Variants in ZMIZ1 observed in about 807,000 individuals in gnomAD.
ZMIZ1 encodes the protein zinc finger MIZ domain-containing protein 1.
A neutral mutation model predicts 113.9 loss-of-function variants in ZMIZ1; 17 were observed. That is an observed-to-expected ratio of 0.15 (90% CI 0.10 to 0.22). ZMIZ1 has a LOEUF of 0.22. Ranked by LOEUF, ZMIZ1 falls within the 10% of genes least tolerant of loss-of-function variation. The pLI, the probability that ZMIZ1 is intolerant of heterozygous loss-of-function variation, is 1.00. For missense variants in ZMIZ1, 1,059 were observed against 1,477.8 expected (o/e 0.72, Z 4.65); for synonymous variants, 607 against 603.1 (o/e 1.01, Z -0.09).
intron 7 of ZMIZ1, among the ~76,000 whole-genome samples, chr10:79,254,542 G>T (rs2031517): frequency 0.3 from 45,388 of 152,230 alleles, 7,406 homozygotes; most frequent in South Asian, 0.42. Flanking sequence ...TGGCCCGCTG[G>T]TCTCTATTCA....
chr10:79,132,390 C>T (rs1038042442), intron 2 of ZMIZ1, among the ~76,000 whole-genome samples: 1 of 152,184 alleles, frequency 6.6e-6, no homozygotes, highest in Non-Finnish European at 1.5e-5. Flanking sequence ...CCCAGGTCCT[C>T]GTGCAGGTGT....
intron 7 of ZMIZ1, among the ~76,000 whole-genome samples, chr10:79,260,906 A>G (rs893541236): frequency 2.0e-5 from 3 of 152,218 alleles, no homozygotes; most frequent in African/African-American, 7.2e-5. Context: ...CTATCAAATC[A>G]GGGTAGTTGT....
At chr10:79,124,548 G>A (rs533180756) in intron 2 of ZMIZ1, among the ~76,000 whole-genome samples, 14 of 152,322 alleles carry the variant, frequency 9.2e-5, no homozygotes, top group African/African-American at 2.4e-4. Context: ...CTCCTGCACC[G>A]TGCTAGGCCC....
rs144332517 is a variant in ZMIZ1, at chr10:79,306,289, C to T, written c.2613C>T (p.Pro871=). The change falls in exon 22 of 25, where the codon CCC becomes CCT. Residue 871 remains proline (P), a synonymous_variant. Coordinates refer to ENST00000334512, the MANE Select transcript of ZMIZ1 (RefSeq NM_020338.4). ...MIAALGPGPS[P]YPLPPPPGGT... is the part of the protein sequence containing the mutation. ...CAGCCCTGGGCCCCGGCCCGTCCCC[C>T]TATCCCCTCCCGCCTCCCCCAGGGG... 1.1e-4 allele frequency: 179 copies of T among 1,613,626 alleles called. No homozygotes were observed. Among genetic ancestry groups the T allele is most frequent in the Non-Finnish European group, 1.4e-4 (170 of 1,180,020 alleles).
chr10:79,146,323 A>G (rs754537075), intron 3 of ZMIZ1, among the ~76,000 whole-genome samples: 11 of 152,106 alleles, frequency 7.2e-5, no homozygotes, highest in East Asian at 3.9e-4. Context: ...CAGATCCCCA[A>G]TGCTGGAAAA....
Position 79,293,603 on chromosome 10 carries a change from C to A in ZMIZ1, c.1180C>A (p.Arg394=), listed in dbSNP as rs776987089. 7 of 1,613,030 alleles carry A rather than the reference C, an allele frequency of 4.3e-6. No homozygotes were observed. Among genetic ancestry groups the A allele is most frequent in the Non-Finnish European group, 5.9e-6 (7 of 1,180,040 alleles). Reference sequence around the variant, plus strand: ...GCCCCAGCAGACCTACCCGGGCCCCCGGCCCCAGTCCCTTCCTATTCAGAA... The same window carrying A: ...GCCCCAGCAGACCTACCCGGGCCCCAGGCCCCAGTCCCTTCCTATTCAGAA... The part of the protein sequence containing the change: ...RMPQQTYPGP[R]PQSLPIQNIK... Residue 394 remains arginine, a synonymous_variant, in exon 12 of 25, where the codon CGG becomes AGG. Coordinates refer to ENST00000334512, the MANE Select transcript of ZMIZ1 (RefSeq NM_020338.4).
chr10:79,112,788 A>AG (rs1452025303), intron 1 of ZMIZ1, among the ~76,000 whole-genome samples: 1 of 152,192 alleles, frequency 6.6e-6, no homozygotes, highest in Non-Finnish European at 1.5e-5. Context: ...GCATTTGGGG[A>AG]GGGAGGGTTC....
At chr10:79,208,269 C>G in intron 5 of ZMIZ1, 67 bp from the exon 6 acceptor site, 1 of 1,418,508 alleles carries the variant, frequency 7.0e-7, no homozygotes, top group South Asian at 1.2e-5. Context: ...CCACCCCAGA[C>G]CCCCACACGC....
chr10:79,202,989 G>A (rs889318005), intron 5 of ZMIZ1, among the ~76,000 whole-genome samples: 5 of 152,208 alleles, frequency 3.3e-5, no homozygotes, highest in African/African-American at 1.2e-4. Flanking sequence ...GGTGATGCAC[G>A]TAGCCCAGCC....
At chr10:79,094,867 T>C (rs1171021068) in intron 1 of ZMIZ1, among the ~76,000 whole-genome samples, 1 of 151,902 alleles carries the variant, frequency 6.6e-6, no homozygotes, top group African/African-American at 2.4e-5. Flanking sequence ...GAAGATTGCT[T>C]GAGCCCAGGA....
At chr10:79,273,255 T>A (rs1852057353) in intron 7 of ZMIZ1, among the ~76,000 whole-genome samples, 1 of 152,234 alleles carries the variant, frequency 6.6e-6, no homozygotes, top group Non-Finnish European at 1.5e-5. Context: ...CATGGGCCTC[T>A]GTGGCCAGCT....
chr10:79,086,224 C>T lies in ZMIZ1; in HGVS notation c.-337+16954C>T, dbSNP rs150462256. ...GTGTGGACAGTGACAGAATGCGTCT[C>T]CCCGCCCCTCCTTACCTGGCAAACT... On this transcript the variant is annotated intron_variant, in intron 1 of 24. Coordinates refer to ENST00000334512, the MANE Select transcript of ZMIZ1 (RefSeq NM_020338.4). 1.0e-3 allele frequency among the ~76,000 whole-genome samples: 155 copies of T among 152,286 alleles called. 1 individual carries two copies. The highest frequency in any genetic ancestry group is 3.5e-3 in the African/African-American group (146 of 41,558).
chr10:79,071,255 C>G (rs540577042), intron 1 of ZMIZ1, among the ~76,000 whole-genome samples: 2 of 152,372 alleles, frequency 1.3e-5, no homozygotes, highest in Admixed American at 1.3e-4. Flanking sequence ...CTGCTGCAAC[C>G]TGGGAACCGG....
At chr10:79,260,924 G>A (rs11002898) in intron 7 of ZMIZ1, among the ~76,000 whole-genome samples, 30,367 of 152,160 alleles carry the variant, frequency 0.2, 3,229 homozygotes, top group Non-Finnish European at 0.25. Context: ...TGTCTCCACA[G>A]GATTGTCAGG....
chr10:79,142,096 G>T (rs879148903), intron 3 of ZMIZ1, among the ~76,000 whole-genome samples: 2 of 152,188 alleles, frequency 1.3e-5, no homozygotes, highest in Admixed American at 6.5e-5. Flanking sequence ...TGGGACAGGA[G>T]CCAGTGGTAG....
At chr10:79,285,929 CTG>C (rs1853047191) in intron 8 of ZMIZ1, among the ~76,000 whole-genome samples, 1 of 152,202 alleles carries the variant, frequency 6.6e-6, no homozygotes. Context: ...ACAGAGGCCC[CTG>C]TATTAGGGAG....
intron 4 of ZMIZ1, among the ~76,000 whole-genome samples, chr10:79,168,339 C>G (rs1846449619): frequency 6.6e-6 from 1 of 152,230 alleles, no homozygotes; most frequent in South Asian, 2.1e-4. Flanking sequence ...CAACAGCCCC[C>G]CTTTCTTTCC....
intron 3 of ZMIZ1, among the ~76,000 whole-genome samples, chr10:79,147,940 G>A (rs1324688639): frequency 3.3e-5 from 5 of 152,356 alleles, no homozygotes; most frequent in Admixed American, 1.3e-4. Flanking sequence ...CAGAGCACCA[G>A]GGGAAGTGGC....
chr10:79,191,297 A>G (rs1358120302), intron 4 of ZMIZ1, among the ~76,000 whole-genome samples: 2 of 151,628 alleles, frequency 1.3e-5, no homozygotes, highest in African/African-American at 4.9e-5. Context: ...AATGGAGAAT[A>G]CCTCCATTCC....
Sources: gnomAD v4.1 joint callset for allele counts (sites outside exome capture counted in the v4.1 genomes callset) on GRCh38, gnomAD v4.1.1 for gene constraint, MANE v1.5 for transcripts, NCBI Gene and HGNC (gene_info 2026-07-23, HGNC 2026-07-21) for gene names.